The following TFDP1 variants were observed in gnomAD, a reference collection of about 807,000 sequenced individuals.
TFDP1 encodes the protein transcription factor Dp-1.
TFDP1 carries 6 observed loss-of-function variants against 48.0 expected under a neutral mutation model. The observed-to-expected ratio is 0.13, with a 90% CI of 0.07 to 0.25. The LOEUF is 0.25. Ranked by LOEUF, TFDP1 falls within the 10% of genes least tolerant of loss-of-function variation. TFDP1 has a pLI of 1.00. For synonymous variants in TFDP1, 201 were observed against 211.6 expected (o/e 0.95, Z 0.44); for missense variants, 335 against 543.0 (o/e 0.62, Z 3.81).
In TFDP1 at chr13:113,633,073, C is replaced by T. The variant is rs4150784; in HGVS notation, c.309-47C>T. On this transcript the variant is annotated intron_variant, in intron 5 of 11. Coordinates refer to ENST00000375370, the MANE Select transcript of TFDP1 (RefSeq NM_007111.5). This position sits in a 1 kb window ranked among gnomAD's most constrained non-coding sequence, Gnocchi z 4.5. ...AAAGCATTCCTCGATTCAGGCTGATCCTCAGGAGGGCTGACAGTCGCTTCT... is the reference window on the plus strand; with the variant it reads ...AAAGCATTCCTCGATTCAGGCTGATTCTCAGGAGGGCTGACAGTCGCTTCT... 8,062 of 1,611,054 alleles carry T rather than the reference C, an allele frequency of 5.0e-3. 309 individuals are homozygous for T. The East Asian group carries it at 0.096, about 19-fold the overall frequency.
chr13:113,610,056 A>G (rs1021325326), intron 2 of TFDP1, among the ~76,000 whole-genome samples: 12 of 152,266 alleles, frequency 7.9e-5, no homozygotes, highest in Non-Finnish European at 1.6e-4. Context: ...TGAGGTTGAC[A>G]GTTCTGATAG....
At chr13:113,634,728 AGT>A in intron 8 of TFDP1, 126 bp downstream of exon 8, 1 of 718,910 alleles carries the variant, frequency 1.4e-6, no homozygotes, top group Non-Finnish European at 2.3e-6. Flanking sequence ...TAAGATTCTG[AGT>A]GTGAGTTCAT....
At chr13:113,620,497 T>C (rs1351393951) in intron 3 of TFDP1, among the ~76,000 whole-genome samples, 1 of 152,252 alleles carries the variant, frequency 6.6e-6, no homozygotes, top group Non-Finnish European at 1.5e-5. Context: ...ATCTTTGTAA[T>C]GAATCAACTA....
intron 3 of TFDP1, among the ~76,000 whole-genome samples, chr13:113,615,977 T>C (rs983278785): frequency 3.3e-5 from 5 of 151,712 alleles, no homozygotes; most frequent in African/African-American, 4.8e-5. Flanking sequence ...CCGAGGCAGG[T>C]GTATCACCTG....
intron 5 of TFDP1, among the ~76,000 whole-genome samples, chr13:113,632,416 A>G (rs1566673899): frequency 6.6e-6 from 1 of 152,226 alleles, no homozygotes; most frequent in Non-Finnish European, 1.5e-5. Context: ...AGCTGTATGA[A>G]ATTACAGCCT....
intron 4 of TFDP1, among the ~76,000 whole-genome samples, chr13:113,625,756 ACGTGTCCT>A (rs1566667421): frequency 4.3e-4 from 41 of 95,912 alleles, no homozygotes; most frequent in Admixed American, 6.5e-4. Context: ...GGCGTCTCTC[ACGTGTCCT>A]CAGGCGTCTC....
chr13:113,601,973 G>A (rs1594434369), intron 2 of TFDP1, among the ~76,000 whole-genome samples: 1 of 151,338 alleles, frequency 6.6e-6, no homozygotes, highest in African/African-American at 2.4e-5. Flanking sequence ...GCCCTGTAGC[G>A]GACAGAGGAG....
chr13:113,629,570 C>G, intron 4 of TFDP1, among the ~76,000 whole-genome samples: 1 of 152,214 alleles, frequency 6.6e-6, no homozygotes, highest in Admixed American at 6.5e-5. Flanking sequence ...GGGATACCCA[C>G]ACTTGACTAG....
At chr13:113,611,414 A>G (rs1243905659) in intron 3 of TFDP1, among the ~76,000 whole-genome samples, 3 of 152,212 alleles carry the variant, frequency 2.0e-5, no homozygotes, top group African/African-American at 7.2e-5. Flanking sequence ...GGCCGGCCTC[A>G]CCTGTGCTGT....
chr13:113,593,954 GTCCTC>G (rs2048216824), intron 2 of TFDP1, among the ~76,000 whole-genome samples: 3 of 139,310 alleles, frequency 2.2e-5, no homozygotes, highest in Admixed American at 7.3e-5. Context: ...CTGTGTGTGG[GTCCTC>G]ACCCTGCCCA....
intron 2 of TFDP1, among the ~76,000 whole-genome samples, chr13:113,604,647 C>T (rs957639119): frequency 0.048 from 10 of 210 alleles, no homozygotes; most frequent in Admixed American, 0.14. Flanking sequence ...GGACAGACCT[C>T]GGCTGTCCTG....
chr13:113,585,713 C>T (rs2047985928), intron 1 of TFDP1, 61 bp from the exon 2 acceptor site: 2 of 1,060,610 alleles, frequency 1.9e-6, no homozygotes, highest in Admixed American at 4.6e-5. Flanking sequence ...ATTTTTTAAA[C>T]TTCGTTTTTC....
chr13:113,593,581 G>T (rs898459255), intron 2 of TFDP1, among the ~76,000 whole-genome samples: 1 of 144,712 alleles, frequency 6.9e-6, no homozygotes, highest in African/African-American at 2.6e-5. Context: ...CCAGGTGACA[G>T]GTGTGCTGTG....
rs1453092512 is a variant in TFDP1 at position 113,623,078 on chromosome 13, A to G, written c.80-102A>G. On this transcript the variant is annotated intron_variant, in intron 3 of 11. Transcript: ENST00000375370. This position sits in a 1 kb window ranked among gnomAD's most constrained non-coding sequence, Gnocchi z 5.2. ...GAGACAGTACACGTGGGGAAAGCTA[A>G]GCATCTCTAATTGCAAGCACCGTCT... 1 of 987,894 alleles carries G rather than the reference A, an allele frequency of 1.0e-6. No homozygotes were observed. The highest frequency in any genetic ancestry group is 1.6e-5 in the African/African-American group (1 of 61,626). The allele number at this position is 987,894 out of a possible 1,614,324, so 61.2% of individuals were successfully genotyped here. A position where few individuals can be genotyped will look rare whatever the true frequency, so the allele number is the denominator to read the frequency against.
chr13:113,622,414 G>A (rs956858904), intron 3 of TFDP1, among the ~76,000 whole-genome samples: 4 of 152,192 alleles, frequency 2.6e-5, no homozygotes, highest in Admixed American at 1.3e-4. Flanking sequence ...TTGCCCTGAC[G>A]CCCCTCCCGG....
chr13:113,622,483 T>C (rs2049019382), intron 3 of TFDP1, among the ~76,000 whole-genome samples: 1 of 152,104 alleles, frequency 6.6e-6, no homozygotes, highest in African/African-American at 2.4e-5. Context: ...TACCACCTGG[T>C]TTACGGTTTC....
In TFDP1 at chr13:113,640,212, T is replaced by TCGGGGAGGACGA; in HGVS notation, c.1181_1192dup (p.Gly394_Asp397dup). On this transcript the variant is annotated inframe_insertion, in exon 12 of 12. Transcript: ENST00000375370. ...AGGGTGGAGACTCCGGTGTCCTACG[T>TCGGGGAGGACGA]CGGGGAGGACGACGAGGAGGACGAT... 1 of 1,613,492 alleles carries TCGGGGAGGACGA rather than the reference T, an allele frequency of 6.2e-7. No individual in the cohort carries two copies. Among genetic ancestry groups the TCGGGGAGGACGA allele is most frequent in the Non-Finnish European group, 8.5e-7 (1 of 1,179,740 alleles).
intron 3 of TFDP1, 124 bp downstream of exon 3, chr13:113,611,186 G>A: frequency 1.1e-6 from 1 of 947,650 alleles, no homozygotes; most frequent in Non-Finnish European, 1.7e-6. Context: ...GCACCTTTGT[G>A]CTCCGGGAAC....
At chr13:113,606,304 T>C (rs770212950) in intron 2 of TFDP1, among the ~76,000 whole-genome samples, 24 of 152,166 alleles carry the variant, frequency 1.6e-4, no homozygotes, top group Non-Finnish European at 2.5e-4. Flanking sequence ...GCCATGACCA[T>C]GAACTGGGCA....
Sources: allele counts gnomAD v4.1 joint callset (sites outside exome capture counted in the v4.1 genomes callset), GRCh38; gene constraint gnomAD v4.1.1; non-coding constraint Gnocchi (gnomAD v3.1); transcripts MANE v1.5; gene names NCBI Gene and HGNC (gene_info 2026-07-23, HGNC 2026-07-21).